The following NOS3 variants were observed in gnomAD, a reference collection of about 807,000 sequenced individuals.
NOS3 encodes NOS type III.
A neutral mutation model predicts 144.9 loss-of-function variants in NOS3; 98 were observed. The ratio of observed to expected loss-of-function variants is 0.68; its 90% confidence interval spans 0.57 to 0.80. NOS3 has a LOEUF of 0.80. Among genes scored for constraint, NOS3 ranks in the 30% least tolerant of loss-of-function variants. The probability of loss-of-function intolerance (pLI) is 0.00; values close to 1 mark genes in which losing one functional copy is unlikely to be tolerated. For missense variants in NOS3, 1,465 were observed against 1,656.4 expected (o/e 0.88, Z 2.01); for synonymous variants, 714 against 702.4 (o/e 1.02, Z -0.26).
chr7:150,995,389 G>C (rs1802355123), intron 3 of NOS3, 75 bp downstream of exon 3: 1 of 951,612 alleles, frequency 1.1e-6, no homozygotes, highest in Admixed American at 2.1e-5. Flanking sequence ...TGGGGCCGGA[G>C]AGGGAAGCTC....
intron 24 of NOS3, 42 bp from the exon 25 acceptor site, chr7:151,013,189 T>G (rs1795344299): frequency 6.3e-7 from 1 of 1,588,524 alleles, no homozygotes; most frequent in African/African-American, 1.3e-5. Flanking sequence ...ACTAGCACTG[T>G]GCCCCGGAGA....
At position 151,009,500 on chromosome 7, in the gene NOS3, T is replaced by A; in HGVS notation, c.2427T>A (p.Leu809=). The change falls in exon 20 of 27, where the codon CTT becomes CTA. Residue 809 remains leucine, a synonymous_variant. Transcript: ENST00000297494. ...TCTGCCCGCCCAACCGGCCCGGCCTTGTGGAGGCGCTGCTGAGCCGCGTGG... is the reference window on the plus strand; with the variant it reads ...TCTGCCCGCCCAACCGGCCCGGCCTAGTGGAGGCGCTGCTGAGCCGCGTGG... ...IGVCPPNRPG[L]VEALLSRVED... 1 of 1,547,538 alleles carries A rather than the reference T, an allele frequency of 6.5e-7. No homozygotes were observed. The highest frequency in any genetic ancestry group is 8.7e-7 in the Non-Finnish European group (1 of 1,146,542).
intron 9 of NOS3, among the ~76,000 whole-genome samples, 194 bp downstream of exon 9, chr7:150,999,558 G>A (rs1282223718): frequency 6.6e-6 from 1 of 151,858 alleles, no homozygotes; most frequent in African/African-American, 2.4e-5. Flanking sequence ...GTGTGTGGGG[G>A]TGTGAGTGGG....
In NOS3 at chr7:151,006,511, T is replaced by C. The variant is rs1795208363; in HGVS notation, c.1820+17T>C. On this transcript the variant is annotated intron_variant, in intron 15 of 26. Coordinates refer to ENST00000297494, the MANE Select transcript of NOS3 (RefSeq NM_000603.5). ...ACAGCACAAGTGAGTTGGGTGAGAG[T>C]TTGGGGGAGCTGGGGGAGCTGATGC... 6.2e-7 allele frequency: 1 copy of C among 1,605,770 alleles called. No homozygotes were observed. The highest frequency in any genetic ancestry group is 8.5e-7 in the Non-Finnish European group (1 of 1,174,764).
At position 151,010,437 on chromosome 7, in the gene NOS3, G is replaced by T. The variant is rs3918202; in HGVS notation, c.2685+150G>T. The stretch of plus-strand genomic sequence containing the variant: ...GTGCTTTAAGACCCAGCTCCTCAGG[G>T]AGGAATTCATGGCTGGATTCTCCAG... On this transcript the variant is annotated intron_variant, in intron 21 of 26. Transcript: ENST00000297494. 1.2e-3 allele frequency: 1,272 copies of T among 1,051,312 alleles called. 14 individuals are homozygous for T. In the African/African-American group the frequency reaches 0.019, roughly 15 times the overall value. 65.1% of individuals were successfully genotyped at this position (1,051,312 alleles called of 1,614,324 possible).
rs1795121047 is a variant in NOS3, at chr7:151,002,216, A to C, written c.1664A>C (p.Glu555Ala). The change falls in exon 14 of 27, where the codon GAG becomes GCG. Residue 555 changes from glutamate to alanine, a missense_variant. Glu to Ala is a moderately radical substitution (Grantham distance 107). This residue lies in a region of NOS3 where 745 missense variants were observed against 853.9 expected (regional missense o/e 0.87). Transcript: ENST00000297494. The surrounding 1 kb of genome is among the most constrained non-coding windows in gnomAD (Gnocchi z 4.1). ...CACCCACAGGTCCTGTGTATGGATG[A>C]GTATGACGTGGTGTCCCTCGAACAC... Reference protein sequence around the residue: ...AFDPRVLCMDEYDVVSLEHET... With the variant: ...AFDPRVLCMDAYDVVSLEHET... 1.9e-6 allele frequency: 3 copies of C among 1,596,352 alleles called. No individual in the cohort carries two copies. The highest frequency in any genetic ancestry group is 1.1e-5 in the South Asian group (1 of 88,272).
At chr7:151,008,791 G>C in intron 17 of NOS3, 139 bp from the exon 18 acceptor site, 1 of 970,788 alleles carries the variant, frequency 1.0e-6, no homozygotes, top group Admixed American at 3.3e-5. Context: ...TGGCGGAAAA[G>C]GTGCTGTCCT....
Position 151,006,510 on chromosome 7 carries a change from GT to G in NOS3, c.1820+19del, listed in dbSNP as rs1287139612. On this transcript the variant is annotated intron_variant, in intron 15 of 26. Transcript: ENST00000297494. ...AACAGCACAAGTGAGTTGGGTGAGA[GT>G]TTGGGGGAGCTGGGGGAGCTGATGC... 6.2e-6 allele frequency: 10 copies of G among 1,606,910 alleles called. No homozygotes were observed. Among genetic ancestry groups the G allele is most frequent in the Non-Finnish European group, 7.7e-6 (9 of 1,175,250 alleles).
chr7:150,996,610 G>C (rs960955354), intron 4 of NOS3, 58 bp downstream of exon 4: 1 of 1,541,442 alleles, frequency 6.5e-7, no homozygotes, highest in Non-Finnish European at 8.8e-7. Flanking sequence ...CAGAAACCCC[G>C]TGACGACCTT....
At position 151,002,242 on chromosome 7, in the gene NOS3, G is replaced by A. The variant is rs148554851; in HGVS notation, c.1690G>A (p.Glu564Lys). ...DEYDVVSLEH[E>K]TLVLVVTSTF... ...GTATGACGTGGTGTCCCTCGAACAC[G>A]AGACGCTGGTGCTGGTGGTAACCAG... The change falls in exon 14 of 27, where the codon GAG becomes AAG. Residue 564 changes from glutamate (E) to lysine (K), a missense_variant. Coordinates refer to ENST00000297494, the MANE Select transcript of NOS3 (RefSeq NM_000603.5). The surrounding 1 kb of genome is among the most constrained non-coding windows in gnomAD (Gnocchi z 4.1). The A allele has an allele frequency of 1.9e-6, 3 of 1,601,858 alleles. No individual in the cohort carries two copies. The highest frequency in any genetic ancestry group is 2.6e-6 in the Non-Finnish European group (3 of 1,174,266).
In NOS3 at chr7:151,013,907, G is replaced by A. The variant is rs1246261875; in HGVS notation, c.3439G>A (p.Gly1147Ser). 7.5e-6 allele frequency: 12 copies of A among 1,599,674 alleles called. No individual in the cohort carries two copies. ...MELDEAGDVIGVLRDQQRYHE... is the reference protein window; with the variant it reads ...MELDEAGDVISVLRDQQRYHE... ...GCTGGACGAGGCCGGCGACGTCATC[G>A]GCGTGCTGCGGGTGCGGAGGGGCGG... The change falls in exon 26 of 27, where the codon GGC becomes AGC. Residue 1147 changes from glycine (G) to serine (S), a missense_variant. Physicochemically the swap from Gly to Ser is moderately conservative, Grantham distance 56. Around this residue, in one of 5 missense-constraint regions of NOS3, gnomAD observed 228 missense variants for 227.7 expected, o/e 1.00. Transcript: ENST00000297494.
rs370804544 is a variant in NOS3, at chr7:151,014,003, G to A, written c.3451-5G>A. The A allele has an allele frequency of 5.7e-5, 92 of 1,611,724 alleles. No homozygotes were observed. The highest frequency in any genetic ancestry group is 1.6e-5 in the Non-Finnish European group (19 of 1,178,514). ...GTTCTGATCCACTGTGCTCTTTTCC[G>A]ACAGGATCAGCAACGCTACCACGAA... On this transcript the variant is annotated splice_polypyrimidine_tract_variant and splice_region_variant and intron_variant, in intron 26 of 26. Coordinates refer to ENST00000297494, the MANE Select transcript of NOS3 (RefSeq NM_000603.5).
chr7:151,014,143 C>G lies in NOS3; in HGVS notation c.3586C>G (p.Pro1196Ala). 1 of 1,610,042 alleles carries G rather than the reference C, an allele frequency of 6.2e-7. No homozygotes were observed. The highest frequency in any genetic ancestry group is 8.5e-7 in the Non-Finnish European group (1 of 1,177,504). ...CGCAGTGCCCTGGGCGTTCGACCCT[C>G]CCGGCTCAGACACCAACAGCCCCTG... Reference protein sequence around the residue: ...RGAVPWAFDPPGSDTNSP With the variant: ...RGAVPWAFDPAGSDTNSP Residue 1196 changes from proline to alanine, a missense_variant, in exon 27 of 27, where the codon CCC becomes GCC. Coordinates refer to ENST00000297494, the MANE Select transcript of NOS3 (RefSeq NM_000603.5).
chr7:151,013,551 C>T, intron 25 of NOS3, 172 bp downstream of exon 25: 1 of 1,054,950 alleles, frequency 9.5e-7, no homozygotes, highest in South Asian at 1.7e-5. Context: ...GGCCCGCCTC[C>T]TCCCGCCCCT....
rs1317076234 is a variant in NOS3 at position 150,998,469 on chromosome 7, C to A, written c.674+21C>A. 2 of 1,611,718 alleles carry A rather than the reference C, an allele frequency of 1.2e-6. No individual in the cohort carries two copies. The highest frequency in any genetic ancestry group is 4.5e-5 in the East Asian group (2 of 44,892). On this transcript the variant is annotated intron_variant, in intron 6 of 26. Transcript: ENST00000297494. The surrounding 1 kb of genome is among the most constrained non-coding windows in gnomAD (Gnocchi z 5.0). ...CTTCGGTGAGTGCCCCCCACCATGC[C>A]AGGCCCCAGCCTTCTTCCCCAAGGC...
In NOS3 at chr7:151,008,986, C is replaced by G; in HGVS notation, c.2169C>G (p.Ile723Met). 6.2e-7 allele frequency: 1 copy of G among 1,611,788 alleles called. No homozygotes were observed. Among genetic ancestry groups the G allele is most frequent in the Non-Finnish European group, 8.5e-7 (1 of 1,179,464 alleles). The change falls in exon 18 of 27, where the codon ATC becomes ATG. Residue 723 changes from isoleucine (I) to methionine (M), a missense_variant. By Grantham distance (10) the Ile-to-Met change is conservative. Around this residue, in one of 5 missense-constraint regions of NOS3, gnomAD observed 745 missense variants for 853.9 expected, o/e 0.87. Transcript: ENST00000297494. ...GEDAKAAARDIFSPKRSWKRQ... is the reference protein window; with the variant it reads ...GEDAKAAARDMFSPKRSWKRQ... ...ATGCCAAGGCCGCCGCCCGAGACATCTTCAGCCCCAAACGGAGCTGGAAGC... is the reference window on the plus strand; with the variant it reads ...ATGCCAAGGCCGCCGCCCGAGACATGTTCAGCCCCAAACGGAGCTGGAAGC...
chr7:150,999,869 G>A (rs1244545311), intron 9 of NOS3, among the ~76,000 whole-genome samples: 2 of 122,852 alleles, frequency 1.6e-5, no homozygotes, highest in Non-Finnish European at 3.5e-5. Context: ...AGGGGTAGGC[G>A]AGTGTGGGTT....
At position 150,998,474 on chromosome 7, in the gene NOS3, C is replaced by T; in HGVS notation, c.674+26C>T. The T allele has an allele frequency of 6.2e-7, 1 of 1,611,614 alleles. No homozygotes were observed. Among genetic ancestry groups the T allele is most frequent in the South Asian group, 1.1e-5 (1 of 90,814 alleles). ...GTGAGTGCCCCCCACCATGCCAGGC[C>T]CCAGCCTTCTTCCCCAAGGCAGGGA... On this transcript the variant is annotated intron_variant, in intron 6 of 26. Transcript: ENST00000297494. The surrounding 1 kb of genome is among the most constrained non-coding windows in gnomAD (Gnocchi z 5.0).
At chr7:150,997,817 C>T (rs867913286) in intron 5 of NOS3, among the ~76,000 whole-genome samples, 6 of 152,334 alleles carry the variant, frequency 3.9e-5, no homozygotes, top group South Asian at 4.1e-4. Flanking sequence ...CTGCCACTCC[C>T]CTGCCCCTGT....
Sources: allele counts gnomAD v4.1 joint callset (sites outside exome capture counted in the v4.1 genomes callset), GRCh38; gene constraint gnomAD v4.1.1; regional missense constraint gnomAD v4.1.1; non-coding constraint Gnocchi (gnomAD v3.1); transcripts MANE v1.5; gene names NCBI Gene and HGNC (gene_info 2026-07-23, HGNC 2026-07-21).